Variants in TCF12 observed in about 807,000 individuals in gnomAD.
The protein encoded by TCF12 is transcription factor 12.
A neutral mutation model predicts 86.0 loss-of-function variants in TCF12; 45 were observed. The observed-to-expected ratio is 0.52, with a 90% confidence interval of 0.41 to 0.67. TCF12 has a LOEUF of 0.67. Ranked by LOEUF, TCF12 falls within the 30% of genes least tolerant of loss-of-function variation. The pLI is 0.00. For missense variants in TCF12, 881 were observed against 859.9 expected, an observed-to-expected ratio of 1.02 and a Z score of -0.31; for synonymous variants, 330 against 299.6, an observed-to-expected ratio of 1.10 and a Z score of -1.05.
At chr15:57,026,822 G>A (rs1225051327) in intron 3 of TCF12, among the ~76,000 whole-genome samples, 4 of 152,094 alleles carry the variant, frequency 2.6e-5, no homozygotes, top group African/African-American at 4.8e-5. Flanking sequence ...ATTTGTGGAT[G>A]CTGAAGGCCT....
chr15:56,973,593 C>T (rs944991548), intron 3 of TCF12, among the ~76,000 whole-genome samples: 3 of 152,056 alleles, frequency 2.0e-5, no homozygotes, highest in Admixed American at 2.0e-4. Flanking sequence ...CACCATTTGG[C>T]AACCATTATG....
chr15:56,921,534 A>G (rs995513449), intron 3 of TCF12, among the ~76,000 whole-genome samples: 2 of 152,042 alleles, frequency 1.3e-5, no homozygotes, highest in Admixed American at 6.5e-5. Context: ...TTTCTTAAGT[A>G]TGCATTTTTT....
intron 3 of TCF12, among the ~76,000 whole-genome samples, chr15:57,037,075 T>C (rs1038669768): frequency 2.0e-5 from 3 of 152,198 alleles, no homozygotes; most frequent in Non-Finnish European, 2.9e-5. Flanking sequence ...CATTTTCTTA[T>C]GTTGATTGTT....
At chr15:56,985,871 G>A (rs1631079) in intron 3 of TCF12, among the ~76,000 whole-genome samples, 27,711 of 152,040 alleles carry the variant, frequency 0.18, 3,006 homozygotes, top group Non-Finnish European at 0.24. Flanking sequence ...GAAGTTATAC[G>A]TAGTAAAACC....
intron 5 of TCF12, among the ~76,000 whole-genome samples, chr15:57,137,058 C>T (rs898364594): frequency 2.9e-5 from 4 of 139,410 alleles, no homozygotes; most frequent in East Asian, 2.2e-4. Flanking sequence ...CGGCTCACTG[C>T]GAGCTCTGTC....
chr15:57,093,509 A>G (rs765373284), intron 5 of TCF12, among the ~76,000 whole-genome samples: 18 of 152,208 alleles, frequency 1.2e-4, no homozygotes, highest in South Asian at 4.1e-4. Context: ...TTTAGGCCCA[A>G]TGGAATTTCA....
At chr15:57,046,903 A>C (rs912386151) in intron 3 of TCF12, among the ~76,000 whole-genome samples, 2 of 152,224 alleles carry the variant, frequency 1.3e-5, no homozygotes, top group African/African-American at 4.8e-5. Context: ...GCAGCTCTGA[A>C]CAATACATAA....
At chr15:57,268,789 A>G (rs1371046521) in intron 18 of TCF12, among the ~76,000 whole-genome samples, 1 of 151,740 alleles carries the variant, frequency 6.6e-6, no homozygotes, top group African/African-American at 2.4e-5. Context: ...TATGCACAAA[A>G]ATCACAAGAA....
chr15:57,082,005 C>G (rs1017942131), intron 4 of TCF12, among the ~76,000 whole-genome samples: 8 of 152,192 alleles, frequency 5.3e-5, no homozygotes, highest in African/African-American at 1.9e-4. Context: ...GGAAATGAAT[C>G]TAGGCCAGGG....
At chr15:57,231,299 C>G (rs756994748) in intron 9 of TCF12, 42 bp downstream of exon 9, 11 of 1,357,090 alleles carry the variant, frequency 8.1e-6, no homozygotes, top group Admixed American at 3.4e-5. Flanking sequence ...CTGCAGTCAT[C>G]TGTATATCAG....
intron 6 of TCF12, among the ~76,000 whole-genome samples, chr15:57,186,490 C>A (rs944300542): frequency 6.6e-6 from 1 of 152,032 alleles, no homozygotes; most frequent in Admixed American, 6.6e-5. Context: ...CAGAGTGAGA[C>A]CGTCTCGAAG....
intron 3 of TCF12, among the ~76,000 whole-genome samples, chr15:56,981,498 G>A (rs2062889053): frequency 6.6e-6 from 1 of 152,186 alleles, no homozygotes; most frequent in Non-Finnish European, 1.5e-5. Flanking sequence ...AACATCTCCT[G>A]TTAGGCCTCA....
At chr15:57,137,887 C>T (rs1213507555) in intron 5 of TCF12, among the ~76,000 whole-genome samples, 1 of 152,004 alleles carries the variant, frequency 6.6e-6, no homozygotes, top group Admixed American at 6.6e-5. Context: ...ATTAGCTGGG[C>T]ATGGTGGCAG....
intron 3 of TCF12, among the ~76,000 whole-genome samples, chr15:56,971,917 A>T (rs2062353298): frequency 6.6e-6 from 1 of 152,186 alleles, no homozygotes; most frequent in South Asian, 2.1e-4. Flanking sequence ...TAGATGGAAG[A>T]AGGGGGTATG....
chr15:57,145,743 CT>C (rs1351378763), intron 5 of TCF12, among the ~76,000 whole-genome samples: 5 of 152,306 alleles, frequency 3.3e-5, no homozygotes, highest in African/African-American at 1.2e-4. Context: ...CTGATTCTCT[CT>C]TTCTTTGAAT....
chr15:57,044,214 G>A (rs1445544278), intron 3 of TCF12, among the ~76,000 whole-genome samples: 1 of 152,058 alleles, frequency 6.6e-6, no homozygotes, highest in Admixed American at 6.5e-5. Context: ...ATGATAATGA[G>A]CCACATGACT....
chr15:56,928,811 G>A (rs1036835786), intron 3 of TCF12, among the ~76,000 whole-genome samples: 2 of 152,118 alleles, frequency 1.3e-5, no homozygotes, highest in Non-Finnish European at 2.9e-5. Flanking sequence ...CTGGAGTGAG[G>A]CATAGTCTAA....
At chr15:57,102,247 T>A (rs575360223) in intron 5 of TCF12, among the ~76,000 whole-genome samples, 20 of 152,364 alleles carry the variant, frequency 1.3e-4, no homozygotes, top group Admixed American at 4.6e-4. Flanking sequence ...TTGCTCTAGA[T>A]AATTTAACAA....
intron 5 of TCF12, among the ~76,000 whole-genome samples, chr15:57,111,585 T>C (rs2050492662): frequency 6.9e-6 from 1 of 144,872 alleles, no homozygotes; most frequent in Non-Finnish European, 1.5e-5. Flanking sequence ...GGTTTGTTTA[T>C]CTTTTTTTTT....
Sources: gnomAD v4.1 joint callset for allele counts (sites outside exome capture counted in the v4.1 genomes callset) on GRCh38, gnomAD v4.1.1 for gene constraint, MANE v1.5 for transcripts, NCBI Gene and HGNC (gene_info 2026-07-23, HGNC 2026-07-21) for gene names.